LARGE1: variants seen among roughly 807,000 people sequenced by gnomAD.
LARGE1 encodes xylosyl- and glucuronyltransferase LARGE1.
LARGE1 carries 43 observed loss-of-function variants against 87.6 expected under a neutral mutation model. That is an observed-to-expected ratio of 0.49 (90% CI 0.38 to 0.63). The LOEUF (loss-of-function observed/expected upper bound fraction) is 0.63, where lower values mean the gene tolerates loss of function less well. Among genes scored for constraint, LARGE1 ranks in the 30% least tolerant of loss-of-function variants. The pLI, the probability that LARGE1 is intolerant of heterozygous loss-of-function variation, is 0.00. For synonymous variants in LARGE1, 434 were observed against 394.6 expected, an observed-to-expected ratio of 1.10 and a Z score of -1.18; for missense variants, 802 against 1,000.2, an observed-to-expected ratio of 0.80 and a Z score of 2.67.
At chr22:33,786,623 G>T (rs1344611822) in intron 1 of LARGE1, among the ~76,000 whole-genome samples, 1 of 152,154 alleles carries the variant, frequency 6.6e-6, no homozygotes, top group African/African-American at 2.4e-5. Flanking sequence ...TCCTGAGGGG[G>T]TCCCCTGGCA....
At chr22:33,346,244 C>T (rs916976945) in intron 9 of LARGE1, among the ~76,000 whole-genome samples, 1 of 149,596 alleles carries the variant, frequency 6.7e-6, no homozygotes, top group Non-Finnish European at 1.5e-5. Flanking sequence ...TCCTTCCTTC[C>T]TTCCTTCCTC....
chr22:33,477,081 T>C (rs1204174215), intron 6 of LARGE1, among the ~76,000 whole-genome samples: 1 of 152,210 alleles, frequency 6.6e-6, no homozygotes. Context: ...CAGAGCTGCG[T>C]GGCGGCTCAC....
intron 11 of LARGE1, 41 bp downstream of exon 11, chr22:33,316,044 C>T (rs372462485): frequency 2.4e-5 from 39 of 1,605,988 alleles, no homozygotes; most frequent in Admixed American, 1.0e-4. Flanking sequence ...ATGTAACAGC[C>T]GCGGTGAGGA....
At chr22:33,624,980 C>T (rs1051155862) in intron 4 of LARGE1, among the ~76,000 whole-genome samples, 1 of 152,160 alleles carries the variant, frequency 6.6e-6, no homozygotes, top group Non-Finnish European at 1.5e-5. Flanking sequence ...GAACCAATGA[C>T]GAATCCCAGT....
At chr22:33,301,746 G>A (rs1220661803) in intron 12 of LARGE1, among the ~76,000 whole-genome samples, 1 of 152,162 alleles carries the variant, frequency 6.6e-6, no homozygotes. Context: ...CCTGTGATAA[G>A]GTAGCTAAGG....
chr22:33,593,184 A>G (rs998962918), intron 5 of LARGE1, among the ~76,000 whole-genome samples: 1 of 147,520 alleles, frequency 6.8e-6, no homozygotes, highest in African/African-American at 2.5e-5. Context: ...ATTTATTTTG[A>G]GACCAGGTTA....
chr22:33,728,120 A>C (rs1423948778), intron 2 of LARGE1, among the ~76,000 whole-genome samples: 1 of 152,176 alleles, frequency 6.6e-6, no homozygotes, highest in Non-Finnish European at 1.5e-5. Context: ...AATTCATATG[A>C]TCTGGCTCCT....
chr22:33,808,588 G>A (rs543186061), intron 1 of LARGE1, among the ~76,000 whole-genome samples: 2 of 152,320 alleles, frequency 1.3e-5, no homozygotes, highest in South Asian at 2.1e-4. Flanking sequence ...CCTGCACGAC[G>A]CTGGGATCGT....
intron 1 of LARGE1, among the ~76,000 whole-genome samples, chr22:33,885,062 T>C (rs1490131086): frequency 2.6e-5 from 4 of 152,254 alleles, no homozygotes; most frequent in Non-Finnish European, 4.4e-5. Context: ...TTCATCCTAA[T>C]GCTCTGATTA....
chr22:33,098,828 T>C, the LARGE1 span, among the ~76,000 whole-genome samples: 3 of 152,066 alleles, frequency 2.0e-5, no homozygotes, highest in Non-Finnish European at 4.4e-5. Flanking sequence ...TTCATGGCCG[T>C]GAAGAGGACA....
intron 6 of LARGE1, among the ~76,000 whole-genome samples, chr22:33,530,326 G>A (rs900649684): frequency 1.3e-5 from 2 of 152,156 alleles, no homozygotes; most frequent in Non-Finnish European, 2.9e-5. Context: ...ATGGCTTACA[G>A]CACAGTTACT....
chr22:33,697,189 A>T (rs2082276890), intron 2 of LARGE1, among the ~76,000 whole-genome samples: 1 of 152,264 alleles, frequency 6.6e-6, no homozygotes, highest in African/African-American at 2.4e-5. Context: ...TTTTTGAGGC[A>T]GCTGTCGTTA....
chr22:33,713,777 C>T (rs923394803), intron 2 of LARGE1, among the ~76,000 whole-genome samples: 7 of 151,792 alleles, frequency 4.6e-5, no homozygotes, highest in East Asian at 1.9e-4. Flanking sequence ...GGCAACATGG[C>T]GAGACACCGT....
chr22:33,446,978 C>G (rs1029571964), intron 6 of LARGE1, among the ~76,000 whole-genome samples: 3 of 152,234 alleles, frequency 2.0e-5, no homozygotes, highest in African/African-American at 7.2e-5. Flanking sequence ...ACTGCAATCT[C>G]TGCCTCCCGG....
chr22:33,889,586 T>C (rs919852054), intron 1 of LARGE1, among the ~76,000 whole-genome samples: 3 of 152,170 alleles, frequency 2.0e-5, no homozygotes, highest in East Asian at 1.9e-4. Flanking sequence ...GCCAAGACCA[T>C]TGATTGGGAA....
At chr22:33,789,839 A>C (rs2085766608) in intron 1 of LARGE1, among the ~76,000 whole-genome samples, 2 of 152,160 alleles carry the variant, frequency 1.3e-5, no homozygotes, top group African/African-American at 4.8e-5. Context: ...CTAGGAAGTA[A>C]CTAACTTGCT....
At chr22:33,885,117 C>T (rs1178389215) in intron 1 of LARGE1, among the ~76,000 whole-genome samples, 7 of 152,230 alleles carry the variant, frequency 4.6e-5, no homozygotes, top group South Asian at 2.1e-4. Flanking sequence ...TAAGGCTCAT[C>T]GGCTAAATAA....
the LARGE1 span, among the ~76,000 whole-genome samples, chr22:33,092,139 C>T: frequency 1.9e-4 from 29 of 152,246 alleles, no homozygotes; most frequent in East Asian, 4.1e-3. Flanking sequence ...ACCTCATGAT[C>T]CACCTGCCTC....
intron 1 of LARGE1, among the ~76,000 whole-genome samples, chr22:33,915,322 T>A (rs925013431): frequency 6.6e-6 from 1 of 152,210 alleles, no homozygotes; most frequent in Non-Finnish European, 1.5e-5. Context: ...AAAGGAAGTT[T>A]AGACTAGAAC....
Sources: gnomAD v4.1 joint callset for allele counts (sites outside exome capture counted in the v4.1 genomes callset) on GRCh38, gnomAD v4.1.1 for gene constraint, MANE v1.5 for transcripts, NCBI Gene and HGNC (gene_info 2026-07-23, HGNC 2026-07-21) for gene names.